MX2: variants seen among roughly 807,000 people sequenced by gnomAD.
The protein encoded by MX2 is MX dynamin like GTPase 2.
A neutral mutation model predicts 74.0 loss-of-function variants in MX2; 51 were observed. The observed-to-expected ratio is 0.69, with a 90% CI of 0.55 to 0.87. The LOEUF (loss-of-function observed/expected upper bound fraction) is 0.87, where lower values mean the gene tolerates loss of function less well. MX2 is among the 40% of genes least tolerant of loss of function. The pLI, the probability that MX2 is intolerant of heterozygous loss-of-function variation, is 0.00. For synonymous variants in MX2, 369 were observed against 339.3 expected (o/e 1.09, Z -0.96); for missense variants, 832 against 908.7 (o/e 0.92, Z 1.09).
intron 13 of MX2, 116 bp from the exon 14 acceptor site, chr21:41,407,875 C>G: frequency 7.2e-7 from 1 of 1,395,486 alleles, no homozygotes; most frequent in South Asian, 1.3e-5. Context: ...TGGGCGAGAC[C>G]ACCAGGGCTT....
At position 41,402,223 on chromosome 21, in the gene MX2, A is replaced by C. The variant is rs879188869; in HGVS notation, c.1573+95A>C. On this transcript the variant is annotated intron_variant, in intron 11 of 13. Coordinates refer to ENST00000330714, the MANE Select transcript of MX2 (RefSeq NM_002463.2). This position sits in a 1 kb window ranked among gnomAD's most constrained non-coding sequence, Gnocchi z 4.5. ...GGAGAGATTGGAATGGAGTTACCAA[A>C]CCAGCCTGCAGACACGCTCACTGGT... The C allele has an allele frequency of 3.5e-5, 49 of 1,408,162 alleles. No individual in the cohort carries two copies. Among genetic ancestry groups the C allele is most frequent in the East Asian group, 2.3e-5 (1 of 42,810 alleles). 87.2% of individuals were successfully genotyped at this position (1,408,162 alleles called of 1,614,324 possible).
chr21:41,362,072 T>C lies in MX2; in HGVS notation c.-72+17T>C, dbSNP rs1420180036. On this transcript the variant is annotated intron_variant, in intron 1 of 13. Transcript: ENST00000330714. The stretch of plus-strand genomic sequence containing the variant: ...CGTGCAGCGGTAAGAGCGGGGCCGG[T>C]GCAGGGAGGGCTGCTTTGTGTCTGA... 2 of 152,388 alleles carry C rather than the reference T, an allele frequency of 1.3e-5. No individual in the cohort carries two copies. The highest frequency in any genetic ancestry group is 2.1e-4 in the South Asian group (1 of 4,834). The allele number at this position is 152,388 out of a possible 1,614,324, so 9.4% of individuals were successfully genotyped here.
Position 41,391,249 on chromosome 21 carries a change from GA to G in MX2, c.871+553del, listed in dbSNP as rs531456883. ...TTAACACTGAAGAAAAGAAAGGAAA[GA>G]AAAAAAGTTTTCTAAAAAAAAGGAT... On this transcript the variant is annotated intron_variant, in intron 6 of 13. Transcript: ENST00000330714. 5.8e-4 allele frequency among the ~76,000 whole-genome samples: 87 copies of G among 150,370 alleles called. 1 individual carries two copies. In the Middle Eastern group the frequency reaches 0.01, roughly 18 times the overall value.
At chr21:41,403,456 G>C (rs1312287072) in intron 12 of MX2, 113 bp downstream of exon 12, 2 of 954,718 alleles carry the variant, frequency 2.1e-6, no homozygotes, top group Non-Finnish European at 3.4e-6. Context: ...GTAATGGCAG[G>C]CTGGCGAGGC....
In MX2 at chr21:41,380,264, A is replaced by G. The variant is rs2089471113; in HGVS notation, c.577+113A>G. On this transcript the variant is annotated intron_variant, in intron 4 of 13. Coordinates refer to ENST00000330714, the MANE Select transcript of MX2 (RefSeq NM_002463.2). The surrounding 1 kb of genome is among the most constrained non-coding windows in gnomAD (Gnocchi z 4.3). The stretch of plus-strand genomic sequence containing the variant: ...CAGTGACCACTCAGCTCCTAGCCCC[A>G]TGTGCTCCCACATGGGGCTGAACCC... The G allele has an allele frequency of 1.1e-5, 15 of 1,423,218 alleles. No individual in the cohort carries two copies. The highest frequency in any genetic ancestry group is 1.4e-5 in the Non-Finnish European group (15 of 1,046,324). 88.2% of individuals were successfully genotyped at this position (1,423,218 alleles called of 1,614,324 possible).
rs1364616400 is a variant in MX2, at chr21:41,377,132, A to G, written c.226A>G (p.Asn76Asp). The G allele has an allele frequency of 1.9e-6, 3 of 1,614,076 alleles. No homozygotes were observed. The highest frequency in any genetic ancestry group is 2.5e-6 in the Non-Finnish European group (3 of 1,180,040). ...LTLNNQPPPGNRSQPRAMGPE... is the reference protein window; with the variant it reads ...LTLNNQPPPGDRSQPRAMGPE... ...TTTGAACAATCAGCCACCACCAGGA[A>G]ACAGGAGCCAACCAAGGGCAATGGT... The change falls in exon 2 of 14, where the codon AAC becomes GAC. Residue 76 changes from asparagine to aspartate, a missense_variant. Physicochemically the swap from Asn to Asp is conservative, Grantham distance 23. Coordinates refer to ENST00000330714, the MANE Select transcript of MX2 (RefSeq NM_002463.2).
intron 6 of MX2, 90 bp from the exon 7 acceptor site, chr21:41,395,497 G>T: frequency 1.6e-6 from 2 of 1,214,804 alleles, no homozygotes; most frequent in Non-Finnish European, 2.4e-6. Context: ...GACCTTGTTG[G>T]CCAAAAAAGG....
intron 5 of MX2, among the ~76,000 whole-genome samples, chr21:41,383,738 T>C (rs972606012): frequency 6.6e-6 from 1 of 152,336 alleles, no homozygotes; most frequent in East Asian, 1.9e-4. Context: ...TCTTGGTTAG[T>C]GATCTTCCTC....
At chr21:41,399,110 TG>T in intron 9 of MX2, 85 bp from the exon 10 acceptor site, 1 of 1,594,454 alleles carries the variant, frequency 6.3e-7, no homozygotes, top group Non-Finnish European at 8.6e-7. Flanking sequence ...TGAGATGAGG[TG>T]GGCGGGTGGA....
intron 5 of MX2, among the ~76,000 whole-genome samples, chr21:41,386,187 T>C (rs951928584): frequency 2.7e-5 from 3 of 109,282 alleles, no homozygotes; most frequent in Non-Finnish European, 5.0e-5. Context: ...GCCACTGCAC[T>C]ACAGCCTGGG....
In MX2 at chr21:41,388,377, T is replaced by C. The variant is rs1402606328; in HGVS notation, c.733-2188T>C. ...TCACTTTTGCCTGGACTCTTGCGTG[T>C]GCATGCACGCTTCCCACTGCCCGGT... On this transcript the variant is annotated intron_variant, in intron 5 of 13. Transcript: ENST00000330714. This position sits in a 1 kb window ranked among gnomAD's most constrained non-coding sequence, Gnocchi z 4.0. Among the ~76,000 whole-genome samples the C allele has an allele frequency of 6.6e-6, 1 of 152,224 alleles. No individual in the cohort carries two copies. The highest frequency in any genetic ancestry group is 1.5e-5 in the Non-Finnish European group (1 of 68,038).
Position 41,377,071 on chromosome 21 carries a change from C to T in MX2, c.165C>T (p.Asp55=), listed in dbSNP as rs1332360129. 1.5e-5 allele frequency: 25 copies of T among 1,614,096 alleles called. No individual in the cohort carries two copies. Among genetic ancestry groups the T allele is most frequent in the East Asian group, 6.7e-5 (3 of 44,900 alleles). Reference sequence around the variant, plus strand: ...CAAACTGGCAGGGGGCAGAGAAGGACGCTGCTTTCCTCGCCAAGGACTTCA... The same window carrying T: ...CAAACTGGCAGGGGGCAGAGAAGGATGCTGCTTTCCTCGCCAAGGACTTCA... ...FPPNWQGAEK[D]AAFLAKDFNF... Residue 55 remains aspartate (D), a synonymous_variant, in exon 2 of 14, where the codon GAC becomes GAT. Coordinates refer to ENST00000330714, the MANE Select transcript of MX2 (RefSeq NM_002463.2).
intron 1 of MX2, chr21:41,365,279 T>C (rs900698160): frequency 6.6e-6 from 1 of 152,228 alleles, no homozygotes; most frequent in Non-Finnish European, 1.5e-5. Context: ...GTTTGTTACA[T>C]GGGTAGATTG....
chr21:41,364,478 T>TGGACAG (rs1270232866), intron 1 of MX2: 1 of 154,410 alleles, frequency 6.5e-6, no homozygotes, highest in Non-Finnish European at 1.4e-5. Flanking sequence ...TCCTCAAGCG[T>TGGACAG]GGACAGGGAC....
chr21:41,369,478 A>G (rs541493450), intron 1 of MX2, among the ~76,000 whole-genome samples: 1 of 152,256 alleles, frequency 6.6e-6, no homozygotes, highest in Non-Finnish European at 1.5e-5. Context: ...AGGTCATCAC[A>G]GGGTGACATC....
At chr21:41,378,727 AAGG>A (rs2145886973) in intron 3 of MX2, among the ~76,000 whole-genome samples, 1 of 152,272 alleles carries the variant, frequency 6.6e-6, no homozygotes, top group South Asian at 2.1e-4. Flanking sequence ...AGTGTTTAGA[AAGG>A]AGTTTTTAGG....
chr21:41,389,290 A>G lies in MX2; in HGVS notation c.733-1275A>G, dbSNP rs547727189. Among the ~76,000 whole-genome samples the G allele has an allele frequency of 6.9e-4, 105 of 152,212 alleles. 1 individual carries two copies. The South Asian group carries it at 0.012, about 18-fold the overall frequency. On this transcript the variant is annotated intron_variant, in intron 5 of 13. Coordinates refer to ENST00000330714, the MANE Select transcript of MX2 (RefSeq NM_002463.2). Reference sequence around the variant, plus strand: ...AGCACTTTGGGAGGCCGAGGTGAGCAGATTACTTGCGGCCAGGAGTTCAAG... The same window carrying G: ...AGCACTTTGGGAGGCCGAGGTGAGCGGATTACTTGCGGCCAGGAGTTCAAG...
intron 6 of MX2, among the ~76,000 whole-genome samples, 192 bp downstream of exon 6, chr21:41,390,895 A>G (rs1194094370): frequency 6.6e-6 from 1 of 152,026 alleles, no homozygotes; most frequent in Non-Finnish European, 1.5e-5. Context: ...AGTCCCAGCT[A>G]CTTGGGAGGC....
intron 1 of MX2, among the ~76,000 whole-genome samples, chr21:41,375,776 A>G (rs2145874053): frequency 6.6e-6 from 1 of 152,306 alleles, no homozygotes; most frequent in South Asian, 2.1e-4. Context: ...TTCCAGGTGA[A>G]CATAAATTTT....
Sources: allele counts gnomAD v4.1 joint callset (sites outside exome capture counted in the v4.1 genomes callset), GRCh38; gene constraint gnomAD v4.1.1; non-coding constraint Gnocchi (gnomAD v3.1); transcripts MANE v1.5; gene names NCBI Gene and HGNC (gene_info 2026-07-23, HGNC 2026-07-21).